Variants in PDE4D observed in about 807,000 individuals in gnomAD.
The protein encoded by PDE4D is 3',5'-cyclic-AMP phosphodiesterase 4D.
A neutral mutation model predicts 87.4 loss-of-function variants in PDE4D; 24 were observed. The observed-to-expected ratio is 0.27, with a 90% CI of 0.20 to 0.39. The LOEUF (loss-of-function observed/expected upper bound fraction) is 0.39. PDE4D is among the 10% of genes least tolerant of loss of function. The pLI is 1.00. For missense variants in PDE4D, 714 were observed against 1,041.0 expected, an observed-to-expected ratio of 0.69 and a Z score of 4.32; for synonymous variants, 384 against 383.2, an observed-to-expected ratio of 1.00 and a Z score of -0.02.
intron 2 of PDE4D, among the ~76,000 whole-genome samples, chr5:60,058,847 CATTT>C (rs1771073784): frequency 6.6e-6 from 1 of 151,882 alleles, no homozygotes; most frequent in African/African-American, 2.4e-5. Flanking sequence ...AAATCTTCCT[CATTT>C]TTTTAAAAAT....
At chr5:59,089,708 T>A (rs533778799) in intron 5 of PDE4D, among the ~76,000 whole-genome samples, 1 of 152,284 alleles carries the variant, frequency 6.6e-6, no homozygotes, top group Non-Finnish European at 1.5e-5. Flanking sequence ...AAACCAGATT[T>A]TTAATCTTAA....
At chr5:59,041,144 CT>C (rs899589787) in intron 5 of PDE4D, among the ~76,000 whole-genome samples, 3 of 151,938 alleles carry the variant, frequency 2.0e-5, no homozygotes, top group South Asian at 2.1e-4. Flanking sequence ...CAGATTGAAG[CT>C]TTTTTTTCCC....
At chr5:60,239,865 G>C (rs1746878107) in intron 1 of PDE4D, among the ~76,000 whole-genome samples, 1 of 151,964 alleles carries the variant, frequency 6.6e-6, no homozygotes, top group Non-Finnish European at 1.5e-5. Context: ...TTTCAATGAA[G>C]TCTCTTTACT....
chr5:60,121,447 C>T (rs1306498063), intron 2 of PDE4D, among the ~76,000 whole-genome samples: 1 of 152,084 alleles, frequency 6.6e-6, no homozygotes, highest in East Asian at 1.9e-4. Flanking sequence ...CTTACACTTC[C>T]ATGTGTCTGG....
intron 1 of PDE4D, among the ~76,000 whole-genome samples, chr5:60,193,427 T>C (rs913809247): frequency 2.9e-4 from 44 of 151,812 alleles, no homozygotes; most frequent in Non-Finnish European, 4.4e-4. Flanking sequence ...TCCCAGCACT[T>C]TGGGAGGCCG....
intron 1 of PDE4D, among the ~76,000 whole-genome samples, chr5:59,485,197 A>G (rs1804913985): frequency 1.3e-5 from 2 of 152,174 alleles, no homozygotes; most frequent in Admixed American, 1.3e-4. Context: ...TTGTTATTTG[A>G]CTGAGGAACA....
At chr5:60,104,046 G>T (rs564113896) in intron 2 of PDE4D, among the ~76,000 whole-genome samples, 88 of 151,640 alleles carry the variant, frequency 5.8e-4, no homozygotes, top group African/African-American at 2.1e-3. Context: ...GCGAGCCGAA[G>T]CAGGGCGAGG....
chr5:59,285,514 TA>T (rs11383327), intron 1 of PDE4D, among the ~76,000 whole-genome samples: 10 of 149,840 alleles, frequency 6.7e-5, no homozygotes, highest in South Asian at 4.2e-4. Context: ...GTGTTATAAT[TA>T]AAAAAAAAAT....
chr5:59,584,101 T>C (rs191002516), intron 1 of PDE4D, among the ~76,000 whole-genome samples: 21 of 152,320 alleles, frequency 1.4e-4, no homozygotes, highest in African/African-American at 4.8e-4. Flanking sequence ...ACCTTTATTC[T>C]AAGCACGATA....
At chr5:59,847,122 G>C (rs1743977123) in intron 1 of PDE4D, among the ~76,000 whole-genome samples, 1 of 151,966 alleles carries the variant, frequency 6.6e-6, no homozygotes, top group South Asian at 2.1e-4. Flanking sequence ...GCTGCTCAAG[G>C]AAAGACAATT....
chr5:60,282,617 T>C (rs12521358), intron 1 of PDE4D, among the ~76,000 whole-genome samples: 42,638 of 152,074 alleles, frequency 0.28, 6,394 homozygotes, highest in Non-Finnish European at 0.33. Flanking sequence ...ACACGTTTTG[T>C]TGGGTTTGGG....
intron 1 of PDE4D, among the ~76,000 whole-genome samples, chr5:59,562,824 C>T (rs993206303): frequency 2.0e-5 from 3 of 151,794 alleles, no homozygotes; most frequent in Non-Finnish European, 4.4e-5. Flanking sequence ...TAGAAAGAAA[C>T]CCTATTTCTC....
At chr5:59,855,015 G>A (rs1745220349) in intron 1 of PDE4D, among the ~76,000 whole-genome samples, 1 of 152,120 alleles carries the variant, frequency 6.6e-6, no homozygotes, top group African/African-American at 2.4e-5. Flanking sequence ...AGATTATAGA[G>A]TTCAGAGCCT....
chr5:59,332,095 C>A (rs931403401), intron 1 of PDE4D, among the ~76,000 whole-genome samples: 2 of 152,180 alleles, frequency 1.3e-5, no homozygotes, highest in Non-Finnish European at 2.9e-5. Flanking sequence ...ACTGAGTTGA[C>A]TAAATCCAGG....
chr5:60,277,230 T>C (rs1751465059), intron 1 of PDE4D, among the ~76,000 whole-genome samples: 1 of 152,024 alleles, frequency 6.6e-6, no homozygotes, highest in African/African-American at 2.4e-5. Context: ...GGATCCTCAC[T>C]CTCGCCACTT....
At chr5:60,425,109 C>T (rs942684749) in intron 1 of PDE4D, among the ~76,000 whole-genome samples, 8 of 152,094 alleles carry the variant, frequency 5.3e-5, no homozygotes, top group African/African-American at 1.7e-4. Flanking sequence ...CCACACTGCC[C>T]AAGGTAATTT....
At chr5:59,243,252 G>A (rs1561794251) in intron 1 of PDE4D, among the ~76,000 whole-genome samples, 2 of 151,960 alleles carry the variant, frequency 1.3e-5, no homozygotes, top group South Asian at 4.1e-4. Flanking sequence ...AGATATAACT[G>A]CTTTTGACCA....
In PDE4D at chr5:59,741,546, T is replaced by C. The variant is rs570345292; in HGVS notation, c.455+151622A>G. ...AAAAGAAGAATTAACTCTGGCTATA[T>C]AAAGTTGCCGTATATTTATTTAAAA... is the stretch of plus-strand genomic sequence containing the variant. On this transcript the variant is annotated intron_variant, in intron 1 of 14. Coordinates refer to ENST00000340635, the MANE Select transcript of PDE4D (RefSeq NM_001104631.2). 4.6e-5 allele frequency among the ~76,000 whole-genome samples: 7 copies of C among 152,294 alleles called. No homozygotes were observed. The South Asian group carries it at 1.5e-3, about 32-fold the overall frequency.
intron 2 of PDE4D, among the ~76,000 whole-genome samples, chr5:60,110,091 G>A (rs1245657232): frequency 6.6e-6 from 1 of 152,044 alleles, no homozygotes; most frequent in Non-Finnish European, 1.5e-5. Context: ...GTACTCAAAT[G>A]CCAAAGCTAT....
Sources: allele counts gnomAD v4.1 joint callset (sites outside exome capture counted in the v4.1 genomes callset), GRCh38; gene constraint gnomAD v4.1.1; transcripts MANE v1.5; gene names NCBI Gene and HGNC (gene_info 2026-07-23, HGNC 2026-07-21).